Variants in PIK3CB observed in about 807,000 individuals in gnomAD.
PIK3CB encodes the protein phosphatidylinositol 4,5-bisphosphate 3-kinase catalytic subunit beta isoform.
A neutral mutation model predicts 136.8 loss-of-function variants in PIK3CB; 39 were observed. The ratio of observed to expected loss-of-function variants is 0.29; its 90% CI spans 0.22 to 0.37. The LOEUF (loss-of-function observed/expected upper bound fraction) is 0.37. Ranked by LOEUF, PIK3CB falls within the 10% of genes least tolerant of loss-of-function variation. The pLI is 1.00. For synonymous variants in PIK3CB, 428 were observed against 436.6 expected (o/e 0.98, Z 0.25); for missense variants, 868 against 1,275.4 (o/e 0.68, Z 4.87).
At chr3:138,764,890 C>A (rs2045711283) in intron 2 of PIK3CB, among the ~76,000 whole-genome samples, 1 of 152,190 alleles carries the variant, frequency 6.6e-6, no homozygotes, top group South Asian at 2.1e-4. Flanking sequence ...AACACTGGAG[C>A]ACACTGTATT....
At chr3:138,815,368 A>AAAAAAAAAAAAC (rs1553743726) in intron 1 of PIK3CB, among the ~76,000 whole-genome samples, 12 of 105,954 alleles carry the variant, frequency 1.1e-4, no homozygotes, top group African/African-American at 1.8e-4. Context: ...AAAAAAAAAA[A>AAAAAAAAAAAAC]AAAAAAACTA....
intron 19 of PIK3CB, among the ~76,000 whole-genome samples, chr3:138,670,749 T>C (rs1377408519): frequency 5.9e-5 from 9 of 152,190 alleles, no homozygotes; most frequent in Non-Finnish European, 1.3e-4. Context: ...AAGCTACTAA[T>C]TCTATTTTTA....
intron 19 of PIK3CB, among the ~76,000 whole-genome samples, chr3:138,668,151 A>G (rs1400032468): frequency 6.6e-6 from 1 of 152,066 alleles, no homozygotes; most frequent in African/African-American, 2.4e-5. Flanking sequence ...AAAATAAGAG[A>G]ATGAAGCATT....
chr3:138,702,455 G>C (rs184906426), intron 12 of PIK3CB, among the ~76,000 whole-genome samples: 36 of 152,192 alleles, frequency 2.4e-4, no homozygotes, highest in African/African-American at 8.7e-4. Flanking sequence ...CAAGATTACT[G>C]CATGCTCAGT....
intron 1 of PIK3CB, among the ~76,000 whole-genome samples, chr3:138,817,061 G>A (rs916817175): frequency 2.6e-5 from 4 of 152,014 alleles, no homozygotes; most frequent in East Asian, 3.9e-4. Context: ...AAAAAAGGCC[G>A]GGCGCGGTGG....
In PIK3CB at chr3:138,766,523, T is replaced by C. The variant is rs187274171; in HGVS notation, c.-16-7164A>G. Among the ~76,000 whole-genome samples the C allele has an allele frequency of 1.7e-3, 258 of 152,314 alleles. 2 individuals carry two copies. The highest frequency in any genetic ancestry group is 4.7e-4 in the Non-Finnish European group (32 of 68,032). On this transcript the variant is annotated intron_variant, in intron 2 of 23. Coordinates refer to ENST00000674063, the MANE Select transcript of PIK3CB (RefSeq NM_006219.3). ...CATAAAGAAAAATTTTATCCTTTACTTTAACAGTTGCCCATGCTTAAAAAT... is the reference window on the plus strand; with the variant it reads ...CATAAAGAAAAATTTTATCCTTTACCTTAACAGTTGCCCATGCTTAAAAAT...
chr3:138,783,726 A>G (rs1010527873), intron 2 of PIK3CB, among the ~76,000 whole-genome samples: 9 of 152,162 alleles, frequency 5.9e-5, no homozygotes, highest in Non-Finnish European at 1.2e-4. Flanking sequence ...GGTACTGGGG[A>G]GGCTGGTAGG....
intron 2 of PIK3CB, among the ~76,000 whole-genome samples, chr3:138,774,303 T>C (rs143386512): frequency 1.8e-4 from 28 of 152,320 alleles, no homozygotes; most frequent in African/African-American, 6.0e-4. Context: ...TGACTTCTTT[T>C]GTAAGAGGTG....
At chr3:138,761,724 A>G (rs2045665477) in intron 2 of PIK3CB, among the ~76,000 whole-genome samples, 1 of 152,058 alleles carries the variant, frequency 6.6e-6, no homozygotes, top group African/African-American at 2.4e-5. Context: ...GAGCCTAGAC[A>G]GCACCATTGC....
chr3:138,752,317 G>A (rs2045487848), intron 4 of PIK3CB, among the ~76,000 whole-genome samples: 1 of 152,178 alleles, frequency 6.6e-6, no homozygotes, highest in African/African-American at 2.4e-5. Flanking sequence ...GTTTTCTTTG[G>A]AGAGAGGAGG....
At chr3:138,671,238 G>A (rs921283179) in intron 19 of PIK3CB, among the ~76,000 whole-genome samples, 3 of 152,078 alleles carry the variant, frequency 2.0e-5, no homozygotes, top group South Asian at 2.1e-4. Flanking sequence ...TATTACTTAC[G>A]AGAAGAACTT....
intron 8 of PIK3CB, among the ~76,000 whole-genome samples, chr3:138,720,068 G>A (rs577323275): frequency 2.6e-4 from 40 of 152,190 alleles, no homozygotes; most frequent in Non-Finnish European, 5.6e-4. Flanking sequence ...TTTCCAAGAT[G>A]TGAAGACGAC....
chr3:138,734,375 T>C (rs1018918634), intron 7 of PIK3CB, among the ~76,000 whole-genome samples: 1 of 152,104 alleles, frequency 6.6e-6, no homozygotes, highest in African/African-American at 2.4e-5. Context: ...TAAATCAAAA[T>C]CTCTAATTTG....
At chr3:138,813,187 T>C (rs1388714472) in intron 1 of PIK3CB, among the ~76,000 whole-genome samples, 1 of 152,162 alleles carries the variant, frequency 6.6e-6, no homozygotes, top group Admixed American at 6.6e-5. Flanking sequence ...GCTACAATTC[T>C]ACCAGTGCTA....
chr3:138,827,510 T>A (rs1933834299), intron 1 of PIK3CB, among the ~76,000 whole-genome samples: 1 of 152,096 alleles, frequency 6.6e-6, no homozygotes, highest in Admixed American at 6.6e-5. Context: ...GAAATTTTTT[T>A]TTTTTTTAGT....
intron 1 of PIK3CB, among the ~76,000 whole-genome samples, chr3:138,823,026 A>G (rs1933631216): frequency 6.6e-6 from 1 of 150,862 alleles, no homozygotes; most frequent in Non-Finnish European, 1.5e-5. Flanking sequence ...GTTCAAGCCG[A>G]TATTTATCAC....
rs6148090 is a variant in PIK3CB at position 138,705,190 on chromosome 3, C to T, written c.1531-697G>A. On this transcript the variant is annotated intron_variant, in intron 11 of 23. Coordinates refer to ENST00000674063, the MANE Select transcript of PIK3CB (RefSeq NM_006219.3). ...AAAAAAAAACAAAAAACAAAACAAACAAAAAAAAAAACTTATATTTGCAAA... is the reference window on the plus strand; with the variant it reads ...AAAAAAAAACAAAAAACAAAACAAATAAAAAAAAAAACTTATATTTGCAAA... 7.5e-5 allele frequency among the ~76,000 whole-genome samples: 4 copies of T among 53,248 alleles called. 1 individual carries two copies. Among genetic ancestry groups the T allele is most frequent in the Non-Finnish European group, 9.5e-5 (3 of 31,488 alleles). 34.9% of individuals were successfully genotyped at this position (53,248 alleles called of 152,430 possible). A position where few individuals can be genotyped will look rare whatever the true frequency, so the allele number is the denominator to read the frequency against.
rs143076518 is a variant in PIK3CB, at chr3:138,657,833, G to C, written c.2799C>G (p.Leu933=). The C allele has an allele frequency of 1.2e-6, 2 of 1,603,668 alleles. No individual in the cohort carries two copies. The highest frequency in any genetic ancestry group is 1.3e-5 in the African/African-American group (1 of 74,160). The change falls in exon 22 of 24, where the codon CTC becomes CTG. Residue 933 remains leucine (L), a splice_region_variant and synonymous_variant. Coordinates refer to ENST00000674063, the MANE Select transcript of PIK3CB (RefSeq NM_006219.3). ...DNIMVKKTGQ[L]FHIDFGHILG... is the part of the protein sequence containing the mutation. Reference sequence around the variant, plus strand: ...GAATATGTCCAAAGTCAATGTGGAAGAGCTGGAAAACAAATGGGATTTAAT... The same window carrying C: ...GAATATGTCCAAAGTCAATGTGGAACAGCTGGAAAACAAATGGGATTTAAT...
At chr3:138,693,939 A>ATATATATATATATATATATATATAT (rs2044065749) in intron 14 of PIK3CB, among the ~76,000 whole-genome samples, 3 of 18,836 alleles carry the variant, frequency 1.6e-4, no homozygotes, top group Non-Finnish European at 3.0e-4. Flanking sequence ...TGCTTAAAAT[A>ATATATATATATATATATATATATAT]TATATATATA....
Sources: allele counts gnomAD v4.1 joint callset (sites outside exome capture counted in the v4.1 genomes callset), GRCh38; gene constraint gnomAD v4.1.1; transcripts MANE v1.5; gene names NCBI Gene and HGNC (gene_info 2026-07-23, HGNC 2026-07-21).